Variants in CECR2 observed in about 807,000 individuals in gnomAD.
CECR2 encodes the protein chromatin remodeling regulator CECR2.
A neutral mutation model predicts 154.5 loss-of-function variants in CECR2; 30 were observed. The ratio of observed to expected loss-of-function variants is 0.19; its 90% CI spans 0.15 to 0.26. The LOEUF is 0.26. Among genes scored for constraint, CECR2 ranks in the 10% least tolerant of loss-of-function variants. CECR2 has a pLI of 1.00. For missense variants in CECR2, 1,743 were observed against 1,829.3 expected, an observed-to-expected ratio of 0.95 and a Z score of 0.86; for synonymous variants, 725 against 683.7, an observed-to-expected ratio of 1.06 and a Z score of -0.94.
At chr22:17,440,114 G>A (rs749537370) in intron 1 of CECR2, among the ~76,000 whole-genome samples, 6 of 151,316 alleles carry the variant, frequency 4.0e-5, no homozygotes, top group Non-Finnish European at 7.4e-5. Flanking sequence ...TATGAGGGGA[G>A]TTACTGAAGT....
rs1463478541 is a variant in CECR2 at position 17,524,455 on chromosome 22, T to G, written c.1108+184T>G. The G allele has an allele frequency of 1.3e-4, 76 of 600,806 alleles. 1 individual carries two copies. The highest frequency in any genetic ancestry group is 2.0e-4 in the Non-Finnish European group (74 of 378,758). The allele number at this position is 600,806 out of a possible 1,614,324, so 37.2% of individuals were successfully genotyped here. A position where few individuals can be genotyped will look rare whatever the true frequency, so the allele number is the denominator to read the frequency against. ...TCGCCCAGGCTGGAGTGCAGTGGCG[T>G]GATCTCAGCTCACTGCAAGCTTCAC... On this transcript the variant is annotated intron_variant, in intron 9 of 18. Transcript: ENST00000262608.
intron 1 of CECR2, among the ~76,000 whole-genome samples, chr22:17,383,731 C>G: frequency 6.9e-6 from 1 of 145,114 alleles, no homozygotes; most frequent in Non-Finnish European, 1.5e-5. Context: ...GCAGTACGCT[C>G]TCAGCTCACT....
intron 1 of CECR2, among the ~76,000 whole-genome samples, chr22:17,461,915 C>G (rs1490827344): frequency 1.3e-5 from 2 of 151,660 alleles, no homozygotes; most frequent in South Asian, 2.1e-4. Context: ...CCCTCAGACT[C>G]CTCAGCAGCT....
chr22:17,409,080 A>G (rs542209184), intron 1 of CECR2, among the ~76,000 whole-genome samples: 3 of 152,178 alleles, frequency 2.0e-5, no homozygotes, highest in Non-Finnish European at 4.4e-5. Flanking sequence ...CAGCCTATCT[A>G]TAGCTTGTTC....
chr22:17,367,386 T>A (rs1020998992), upstream of CECR2, among the ~76,000 whole-genome samples: 3 of 152,126 alleles, frequency 2.0e-5, no homozygotes, highest in African/African-American at 7.2e-5. Context: ...ACTTTTTTTT[T>A]TTAATTTTTA....
intron 1 of CECR2, among the ~76,000 whole-genome samples, chr22:17,421,613 T>TAA (rs1227348729): frequency 2.9e-4 from 3 of 10,300 alleles, no homozygotes; most frequent in Non-Finnish European, 4.3e-4. Flanking sequence ...AGACTCCGTC[T>TAA]CAAAAAAAAA....
intron 1 of CECR2, among the ~76,000 whole-genome samples, chr22:17,384,320 G>A (rs960360807): frequency 2.6e-5 from 4 of 152,084 alleles, no homozygotes; most frequent in Non-Finnish European, 2.9e-5. Context: ...CTGGCCTCAC[G>A]CAGTTCTCCC....
At position 17,556,151 on chromosome 22, in the gene CECR2, TC is replaced by T. The variant is rs2056770076; in HGVS notation, c.*3313del. On this transcript the variant is annotated 3_prime_UTR_variant, in exon 19 of 19. Coordinates refer to ENST00000262608, the MANE Select transcript of CECR2 (RefSeq NM_001290047.2). ...ACTTTCCATCCCACCTCTCCGCCTCTCCTTCATCACCAGCCTTCATCAGGTT... is the reference window on the plus strand; with the variant it reads ...ACTTTCCATCCCACCTCTCCGCCTCTCTTCATCACCAGCCTTCATCAGGTT... 1 of 104,422 alleles carries T rather than the reference TC, an allele frequency of 9.6e-6. No individual in the cohort carries two copies. Among genetic ancestry groups the T allele is most frequent in the Non-Finnish European group, 2.3e-5 (1 of 42,574 alleles). 6.5% of individuals were successfully genotyped at this position (104,422 alleles called of 1,614,324 possible).
intron 2 of CECR2, among the ~76,000 whole-genome samples, chr22:17,480,425 C>T: frequency 8.7e-6 from 1 of 115,188 alleles, no homozygotes; most frequent in East Asian, 2.4e-4. Context: ...ATAATACACA[C>T]ACACACACAC....
intron 1 of CECR2, among the ~76,000 whole-genome samples, chr22:17,418,380 C>A (rs2054186144): frequency 6.6e-6 from 1 of 152,192 alleles, no homozygotes. Context: ...CTTAGTGGTT[C>A]ATTTTCGTTC....
chr22:17,390,622 G>T (rs1399165333), intron 1 of CECR2, among the ~76,000 whole-genome samples: 1 of 151,808 alleles, frequency 6.6e-6, no homozygotes, highest in Non-Finnish European at 1.5e-5. Flanking sequence ...TCTAAACCAG[G>T]TGTTTTTATT....
At chr22:17,433,452 ATTG>A (rs1418069010) in intron 1 of CECR2, among the ~76,000 whole-genome samples, 2 of 151,970 alleles carry the variant, frequency 1.3e-5, no homozygotes, top group East Asian at 3.9e-4. Context: ...TGTCTTCCTT[ATTG>A]TTGTTCTTTA....
At position 17,528,178 on chromosome 22, in the gene CECR2, G is replaced by A. The variant is rs1223333595; in HGVS notation, c.1108+3907G>A. Reference sequence around the variant, plus strand: ...CCTAAGTGTCCGTCAGCAAATGAATGGATAAAGAAAATGTGGTACTGATAC... The same window carrying A: ...CCTAAGTGTCCGTCAGCAAATGAATAGATAAAGAAAATGTGGTACTGATAC... On this transcript the variant is annotated intron_variant, in intron 9 of 18. Transcript: ENST00000262608. Among the ~76,000 whole-genome samples the A allele has an allele frequency of 3.4e-5, 5 of 148,610 alleles. No homozygotes were observed. The East Asian group carries it at 7.7e-4, about 23-fold the overall frequency.
rs1194988600 is a variant in CECR2, at chr22:17,553,050, C to T, written c.*210C>T. ...ACACACAGATTGCAAAGGTCCTCGG[C>T]CAGGGATCTCTTGCACAGCTGATGT... is the stretch of plus-strand genomic sequence containing the variant. On this transcript the variant is annotated 3_prime_UTR_variant, in exon 19 of 19. Transcript: ENST00000262608. The T allele has an allele frequency of 2.5e-6, 3 of 1,191,486 alleles. No homozygotes were observed. The highest frequency in any genetic ancestry group is 4.8e-5 in the South Asian group (2 of 41,478). The allele number at this position is 1,191,486 out of a possible 1,614,324, so 73.8% of individuals were successfully genotyped here. A position where few individuals can be genotyped will look rare whatever the true frequency, so the allele number is the denominator to read the frequency against.
chr22:17,459,306 C>T (rs1281008749), intron 1 of CECR2, among the ~76,000 whole-genome samples: 2 of 152,142 alleles, frequency 1.3e-5, no homozygotes, highest in Admixed American at 1.3e-4. Context: ...CTTTGCCCTG[C>T]CCGGCCCTGC....
chr22:17,537,182 C>G lies in CECR2; in HGVS notation c.1188C>G (p.Ser396=), dbSNP rs200923527. Reference sequence around the variant, plus strand: ...GAAAGGAGCTCCCTCCAGAACTTTCCCATCTGGACCCCAATTCCCCCATGA... The same window carrying G: ...GAAAGGAGCTCCCTCCAGAACTTTCGCATCTGGACCCCAATTCCCCCATGA... The part of the protein sequence containing the change: ...AQGKELPPEL[S]HLDPNSPMRE... Residue 396 remains serine, a synonymous_variant, in exon 10 of 19, where the codon TCC becomes TCG. Coordinates refer to ENST00000262608, the MANE Select transcript of CECR2 (RefSeq NM_001290047.2). 3 of 1,613,792 alleles carry G rather than the reference C, an allele frequency of 1.9e-6. No individual in the cohort carries two copies.
intron 1 of CECR2, among the ~76,000 whole-genome samples, chr22:17,470,788 C>T (rs961528191): frequency 3.3e-5 from 5 of 152,160 alleles, no homozygotes; most frequent in African/African-American, 1.2e-4. Flanking sequence ...CAGACTAGAC[C>T]AGGGTTCTTC....
intron 17 of CECR2, chr22:17,550,120 T>C (rs1201791942): frequency 2.0e-5 from 3 of 151,600 alleles, no homozygotes; most frequent in African/African-American, 4.9e-5. Flanking sequence ...ACTTAGATTT[T>C]GATATTGTAA....
intron 1 of CECR2, among the ~76,000 whole-genome samples, chr22:17,421,459 C>CA (rs986185623): frequency 9.2e-5 from 14 of 151,840 alleles, no homozygotes; most frequent in Non-Finnish European, 1.6e-4. Flanking sequence ...ACTAAAAATA[C>CA]AAAAAATTAG....
Sources: gnomAD v4.1 joint callset for allele counts (sites outside exome capture counted in the v4.1 genomes callset) on GRCh38, gnomAD v4.1.1 for gene constraint, MANE v1.5 for transcripts, NCBI Gene and HGNC (gene_info 2026-07-23, HGNC 2026-07-21) for gene names.